INTS4: variants seen among roughly 807,000 people sequenced by gnomAD.
INTS4 encodes integrator complex subunit 4.
A neutral mutation model predicts 119.5 loss-of-function variants in INTS4; 70 were observed. That is an observed-to-expected ratio of 0.59 (90% CI 0.48 to 0.71). The LOEUF is 0.71. Among genes scored for constraint, INTS4 ranks in the 30% least tolerant of loss-of-function variants. The pLI, the probability that INTS4 is intolerant of heterozygous loss-of-function variation, is 0.00. For missense variants in INTS4, 867 were observed against 1,173.2 expected (o/e 0.74, Z 3.81); for synonymous variants, 316 against 419.6 (o/e 0.75, Z 3.02).
intron 8 of INTS4, among the ~76,000 whole-genome samples, chr11:77,954,854 G>C (rs1441465844): frequency 6.6e-6 from 1 of 152,134 alleles, no homozygotes; most frequent in East Asian, 1.9e-4. Context: ...CAGCCTGGGG[G>C]TTTGAGCCTC....
At chr11:77,941,458 C>CTTTTTTTTTTTTTTTTTTTTTTTTT (rs35544689) in intron 8 of INTS4, among the ~76,000 whole-genome samples, 2 of 138,456 alleles carry the variant, frequency 1.4e-5, no homozygotes, top group Non-Finnish European at 1.5e-5. Flanking sequence ...ACCTACTGTG[C>CTTTTTTTTTTTTTTTTTTTTTTTTT]TTTTTTTTTT....
chr11:77,898,911 T>G (rs1952649839), intron 18 of INTS4, among the ~76,000 whole-genome samples: 1 of 152,086 alleles, frequency 6.6e-6, no homozygotes. Flanking sequence ...TCCCAGCTAC[T>G]TGGGAGGCTG....
chr11:77,919,349 C>G (rs1953283315), intron 14 of INTS4, among the ~76,000 whole-genome samples: 1 of 151,658 alleles, frequency 6.6e-6, no homozygotes, highest in Non-Finnish European at 1.5e-5. Context: ...TGCAATGGTA[C>G]CATCTCGGCT....
At chr11:77,970,067 G>A (rs1182349216) in intron 4 of INTS4, among the ~76,000 whole-genome samples, 1 of 152,040 alleles carries the variant, frequency 6.6e-6, no homozygotes, top group African/African-American at 2.4e-5. Context: ...CATTTGACTT[G>A]CTCCCACCTT....
chr11:77,985,986 C>T (rs866207544), intron 2 of INTS4, among the ~76,000 whole-genome samples: 3 of 152,162 alleles, frequency 2.0e-5, no homozygotes, highest in Non-Finnish European at 2.9e-5. Context: ...TAAAATACCA[C>T]ATTTCTGGAT....
chr11:77,981,332 G>A, intron 3 of INTS4, 127 bp downstream of exon 3: 1 of 447,658 alleles, frequency 2.2e-6, no homozygotes, highest in Non-Finnish European at 4.0e-6. Context: ...TGTATATATG[G>A]TTTCATTAAA....
At chr11:77,951,336 C>A (rs1201074648) in intron 8 of INTS4, among the ~76,000 whole-genome samples, 1 of 152,094 alleles carries the variant, frequency 6.6e-6, no homozygotes, top group African/African-American at 2.4e-5. Context: ...TGGAACAGAA[C>A]AGAACCCTCA....
chr11:77,945,530 A>T (rs1954027250), intron 8 of INTS4, among the ~76,000 whole-genome samples: 1 of 152,164 alleles, frequency 6.6e-6, no homozygotes, highest in South Asian at 2.1e-4. Context: ...GGTCAAACAG[A>T]GTGACGATGA....
chr11:77,880,745 C>A (rs1565219171), intron 22 of INTS4, among the ~76,000 whole-genome samples: 1 of 152,056 alleles, frequency 6.6e-6, no homozygotes, highest in Non-Finnish European at 1.5e-5. Context: ...ATCACTTGAT[C>A]CCAGGTGTTT....
intron 2 of INTS4, among the ~76,000 whole-genome samples, chr11:77,985,191 C>A (rs1856409894): frequency 6.6e-6 from 1 of 152,180 alleles, no homozygotes; most frequent in Non-Finnish European, 1.5e-5. Context: ...CACTCTAACT[C>A]CAGTCCATCC....
rs187439125 is a variant in INTS4 at position 77,938,318 on chromosome 11, T to G, written c.1165+333A>C. Among the ~76,000 whole-genome samples the G allele has an allele frequency of 5.1e-3, 779 of 152,348 alleles. 4 individuals are homozygous for G. The highest frequency in any genetic ancestry group is 0.018 in the African/African-American group (735 of 41,580). The stretch of plus-strand genomic sequence containing the variant: ...TAATTACCAATTATTAAGTGCTTAT[T>G]ATAAATAGGCACGTGTATTATGCCA... On this transcript the variant is annotated intron_variant, in intron 10 of 22. Coordinates refer to ENST00000534064, the MANE Select transcript of INTS4 (RefSeq NM_033547.4).
At chr11:77,976,326 G>A (rs558447678) in intron 4 of INTS4, among the ~76,000 whole-genome samples, 1 of 152,232 alleles carries the variant, frequency 6.6e-6, no homozygotes, top group East Asian at 1.9e-4. Context: ...GTTCACACAC[G>A]TAATCTCGGG....
chr11:77,981,019 G>A (rs1454077990), intron 3 of INTS4, among the ~76,000 whole-genome samples: 1 of 151,688 alleles, frequency 6.6e-6, no homozygotes, highest in Non-Finnish European at 1.5e-5. Flanking sequence ...TTGATGGAAC[G>A]AGTACTGTAT....
In INTS4 at chr11:77,981,579, G is replaced by T. The variant is rs755345506; in HGVS notation, c.247-3C>A. On this transcript the variant is annotated splice_polypyrimidine_tract_variant and splice_region_variant and intron_variant, in intron 2 of 22. Transcript: ENST00000534064. ...AGTCTCACAGATGGATCATTCTCCT[G>T]GAAAAAAAGAAGCAATTGTCACTTT... 2 of 1,503,736 alleles carry T rather than the reference G, an allele frequency of 1.3e-6. No homozygotes were observed. The highest frequency in any genetic ancestry group is 1.8e-6 in the Non-Finnish European group (2 of 1,105,950). 93.1% of individuals were successfully genotyped at this position (1,503,736 alleles called of 1,614,324 possible). A position where few individuals can be genotyped will look rare whatever the true frequency, so the allele number is the denominator to read the frequency against.
intron 2 of INTS4, among the ~76,000 whole-genome samples, chr11:77,983,076 T>G (rs146549571): frequency 3.9e-5 from 6 of 152,318 alleles, no homozygotes; most frequent in Admixed American, 1.3e-4. Context: ...GAAGCCTGGA[T>G]TCACTACACA....
At chr11:77,919,009 G>T (rs1224144262) in intron 14 of INTS4, 31 bp from the exon 15 acceptor site, 1 of 1,612,432 alleles carries the variant, frequency 6.2e-7, no homozygotes, top group Non-Finnish European at 8.5e-7. Flanking sequence ...GAGTCATTAA[G>T]TTTGGTGGCT....
intron 18 of INTS4, among the ~76,000 whole-genome samples, 182 bp from the exon 19 acceptor site, chr11:77,894,531 CCTGAT>C (rs1565228387): frequency 1.3e-5 from 2 of 152,176 alleles, no homozygotes; most frequent in Non-Finnish European, 2.9e-5. Flanking sequence ...GATCCCAAGA[CCTGAT>C]TAAACCACTG....
intron 8 of INTS4, among the ~76,000 whole-genome samples, chr11:77,950,407 T>C (rs1954162150): frequency 6.6e-6 from 1 of 151,792 alleles, no homozygotes; most frequent in African/African-American, 2.4e-5. Context: ...ATAACAGTGG[T>C]TAGCAGACAC....
chr11:77,984,303 G>C (rs1856368871), intron 2 of INTS4, among the ~76,000 whole-genome samples: 1 of 152,092 alleles, frequency 6.6e-6, no homozygotes, highest in African/African-American at 2.4e-5. Flanking sequence ...AGACCAGACT[G>C]ACCAACATGG....
Sources: gnomAD v4.1 joint callset for allele counts (sites outside exome capture counted in the v4.1 genomes callset) on GRCh38, gnomAD v4.1.1 for gene constraint, MANE v1.5 for transcripts, NCBI Gene and HGNC (gene_info 2026-07-23, HGNC 2026-07-21) for gene names.